The following UPP2 variants were observed in gnomAD, a reference collection of about 807,000 sequenced individuals.
UPP2 encodes uridine phosphorylase 2, also known as UPase 2.
Under a neutral mutation model 26.7 loss-of-function variants are expected in UPP2, and 23 were observed. That is an observed-to-expected ratio of 0.86 (90% confidence interval 0.62 to 1.22). The LOEUF is 1.22. Among genes scored for constraint, UPP2 ranks in the 50% most tolerant of loss-of-function variants. The pLI is 0.00. For missense variants in UPP2, 387 were observed against 396.7 expected, an observed-to-expected ratio of 0.98 and a Z score of 0.21; for synonymous variants, 127 against 141.3, an observed-to-expected ratio of 0.90 and a Z score of 0.72.
At chr2:158,099,926 C>G (rs1005101068), upstream of UPP2, among the ~76,000 whole-genome samples, 2 of 152,234 alleles carry the variant, frequency 1.3e-5, no homozygotes, top group African/African-American at 4.8e-5. Flanking sequence ...GTGCCTGGCA[C>G]ACAGCCTTTG....
intron 6 of UPP2, among the ~76,000 whole-genome samples, chr2:158,130,474 A>G (rs1423587629): frequency 6.6e-6 from 1 of 151,554 alleles, no homozygotes; most frequent in African/African-American, 2.4e-5. Context: ...AAAAAAAAAA[A>G]CCACTGTGCA....
chr2:158,059,845 C>T (rs1426556873), intron 3 of UPP2, among the ~76,000 whole-genome samples: 1 of 152,108 alleles, frequency 6.6e-6, no homozygotes, highest in Non-Finnish European at 1.5e-5. Flanking sequence ...CTATCTGGAC[C>T]TTTCATCCTT....
At chr2:158,055,995 G>A (rs1682240180) in intron 3 of UPP2, among the ~76,000 whole-genome samples, 1 of 152,170 alleles carries the variant, frequency 6.6e-6, no homozygotes, top group South Asian at 2.1e-4. Flanking sequence ...ATTCACGTGT[G>A]AGGAAAGGAG....
chr2:158,042,925 C>T (rs1034504745), intron 3 of UPP2, among the ~76,000 whole-genome samples: 1 of 152,202 alleles, frequency 6.6e-6, no homozygotes, highest in African/African-American at 2.4e-5. Flanking sequence ...CTTTTCCTGC[C>T]AGGCCTGGGC....
chr2:158,107,856 G>T (rs370864856), intron 2 of UPP2, among the ~76,000 whole-genome samples: 6 of 152,152 alleles, frequency 3.9e-5, no homozygotes, highest in African/African-American at 1.4e-4. Flanking sequence ...TGTGTGGCCT[G>T]CCTCTATTTT....
chr2:158,065,821 A>T (rs1188853297), intron 3 of UPP2: 1 of 692,850 alleles, frequency 1.4e-6, no homozygotes, highest in African/African-American at 1.8e-5. Flanking sequence ...ATTAAGTTTC[A>T]TAAAGAACCT....
chr2:158,052,091 A>G (rs1303787896), intron 3 of UPP2, among the ~76,000 whole-genome samples: 2 of 152,216 alleles, frequency 1.3e-5, no homozygotes, highest in Admixed American at 1.3e-4. Context: ...AACACCCTTC[A>G]TATGTCCCAA....
chr2:158,092,541 A>G (rs1682927053), intron 3 of UPP2, among the ~76,000 whole-genome samples: 1 of 152,256 alleles, frequency 6.6e-6, no homozygotes, highest in Admixed American at 6.5e-5. Flanking sequence ...TTTTCAGCTC[A>G]AAGCCCATGC....
intron 1 of UPP2, among the ~76,000 whole-genome samples, chr2:158,103,293 A>G (rs1384779044): frequency 6.6e-6 from 1 of 152,216 alleles, no homozygotes; most frequent in East Asian, 1.9e-4. Context: ...GCATCAAGGA[A>G]AACTAATCCT....
At chr2:158,005,691 A>C (rs1025530897) in intron 2 of UPP2, among the ~76,000 whole-genome samples, 1 of 152,240 alleles carries the variant, frequency 6.6e-6, no homozygotes, top group Non-Finnish European at 1.5e-5. Context: ...GAAAAGTAAC[A>C]TGATATTTAA....
chr2:158,022,320 G>A (rs1169872193), intron 3 of UPP2, among the ~76,000 whole-genome samples: 2 of 151,586 alleles, frequency 1.3e-5, no homozygotes, highest in Admixed American at 6.6e-5. Context: ...TTAGCTGGGC[G>A]TAGTGGCGGG....
chr2:158,041,741 C>T (rs1385590142), intron 3 of UPP2, among the ~76,000 whole-genome samples: 2 of 152,168 alleles, frequency 1.3e-5, no homozygotes, highest in Admixed American at 1.3e-4. Flanking sequence ...GAATCTTTTT[C>T]TGTCCTGAGA....
intron 3 of UPP2, among the ~76,000 whole-genome samples, chr2:158,081,190 CCAAACA>C (rs150077616): frequency 0.016 from 2,457 of 152,164 alleles, 72 homozygotes; most frequent in African/African-American, 0.056. Flanking sequence ...GACCATTAGT[CCAAACA>C]CTGCTTATGT....
chr2:157,995,188 C>T (rs775072282), exon 2 of UPP2: 31 of 1,613,502 alleles, frequency 1.9e-5, no homozygotes, highest in Non-Finnish European at 2.6e-5. Context: ...AGGGACTTCA[C>T]CAGTGCTGCC....
At chr2:158,070,647 C>T (rs1682524053) in intron 3 of UPP2, among the ~76,000 whole-genome samples, 1 of 152,192 alleles carries the variant, frequency 6.6e-6, no homozygotes, top group Non-Finnish European at 1.5e-5. Context: ...CACTGACTGC[C>T]CCCAAAGGAA....
In UPP2 at chr2:158,055,521, A is replaced by G. The variant is rs530787309; in HGVS notation, c.147+39635A>G. On this transcript the variant is annotated intron_variant, in intron 3 of 9. Coordinates refer to the UPP2 transcript ENST00000605860. ...TTGTTCACTTCGCATAATGTCCTCA[A>G]GGATATACATCCTCAGAGCTGTCTT... Among the ~76,000 whole-genome samples, 3 of 152,332 alleles carry G rather than the reference A, an allele frequency of 2.0e-5. No individual in the cohort carries two copies. In the South Asian group the frequency reaches 6.2e-4, roughly 32 times the overall value.
At chr2:158,129,485 A>G (rs1053026406) in intron 6 of UPP2, among the ~76,000 whole-genome samples, 2 of 152,072 alleles carry the variant, frequency 1.3e-5, no homozygotes, top group African/African-American at 4.8e-5. Flanking sequence ...GGATGAAATG[A>G]GGTCTAGAGA....
At chr2:157,995,714 C>T (rs1683314679) in intron 2 of UPP2, among the ~76,000 whole-genome samples, 1 of 151,934 alleles carries the variant, frequency 6.6e-6, no homozygotes, top group Non-Finnish European at 1.5e-5. Context: ...TTCACAGGCA[C>T]ATACACACAC....
At chr2:158,114,314 T>C (rs1419736605) in intron 2 of UPP2, among the ~76,000 whole-genome samples, 2 of 152,198 alleles carry the variant, frequency 1.3e-5, no homozygotes, top group Non-Finnish European at 2.9e-5. Flanking sequence ...GTAGTGCTTC[T>C]CTGCTCCTCT....
Sources: allele counts gnomAD v4.1 joint callset (sites outside exome capture counted in the v4.1 genomes callset), GRCh38; gene constraint gnomAD v4.1.1; transcripts MANE v1.5; gene names NCBI Gene and HGNC (gene_info 2026-07-23, HGNC 2026-07-21).